The following EZH2 variants were observed in gnomAD, a reference collection of about 807,000 sequenced individuals.
EZH2 encodes histone-lysine N-methyltransferase EZH2.
A neutral mutation model predicts 98.4 loss-of-function variants in EZH2; 18 were observed. That is an observed-to-expected ratio of 0.18 (90% CI 0.13 to 0.27). The LOEUF (loss-of-function observed/expected upper bound fraction) is 0.27, where lower values mean the gene tolerates loss of function less well. Ranked by LOEUF, EZH2 falls within the 10% of genes least tolerant of loss-of-function variation. The pLI is 1.00. For missense variants in EZH2, 470 were observed against 935.1 expected (o/e 0.50, Z 6.49); for synonymous variants, 338 against 312.3 (o/e 1.08, Z -0.87).
rs539341336 is a variant in EZH2, at chr7:148,831,100, A to G, written c.364-1252T>C. ...GCCCACAGGTAAGAACACGCTGGGA[A>G]AGGCCACACACAGGACTAGTAGCAG... is the stretch of plus-strand genomic sequence containing the variant. On this transcript the variant is annotated intron_variant, in intron 4 of 19. Transcript: ENST00000320356. Among the ~76,000 whole-genome samples the G allele has an allele frequency of 3.3e-5, 5 of 152,342 alleles. No individual in the cohort carries two copies. In the South Asian group the frequency reaches 1.0e-3, roughly 32 times the overall value.
At chr7:148,832,372 C>T (rs1809625922) in intron 4 of EZH2, among the ~76,000 whole-genome samples, 1 of 152,198 alleles carries the variant, frequency 6.6e-6, no homozygotes, top group Non-Finnish European at 1.5e-5. Flanking sequence ...AGCCACAATG[C>T]CCAGCCCATC....
At chr7:148,828,620 A>T in intron 6 of EZH2, 120 bp downstream of exon 6, 3 of 1,261,142 alleles carry the variant, frequency 2.4e-6, no homozygotes, top group South Asian at 1.5e-5. Flanking sequence ...ACTGCTATCA[A>T]TGTGATATTT....
At chr7:148,871,881 A>G (rs755995271) in intron 1 of EZH2, among the ~76,000 whole-genome samples, 9 of 152,128 alleles carry the variant, frequency 5.9e-5, no homozygotes, top group African/African-American at 1.2e-4. Flanking sequence ...GCCGAATAGT[A>G]TATTTTCTAT....
In EZH2 at chr7:148,868,704, C is replaced by CA. The variant is rs1554424627; in HGVS notation, c.-8+15459_-8+15460insT. Among the ~76,000 whole-genome samples the CA allele has an allele frequency of 2.0e-5, 3 of 151,482 alleles. No individual in the cohort carries two copies. In the South Asian group the frequency reaches 6.3e-4, roughly 32 times the overall value. On this transcript the variant is annotated intron_variant, in intron 1 of 19. Coordinates refer to ENST00000320356, the MANE Select transcript of EZH2 (RefSeq NM_004456.5). ...TAGCCTCTAGGGTAGAAAAACATGACTTTTTTTTTGGTAGTCTAGATTTAA... is the reference window on the plus strand; with the variant it reads ...TAGCCTCTAGGGTAGAAAAACATGACATTTTTTTTTGGTAGTCTAGATTTAA...
At chr7:148,815,150 G>A (rs1804210224) in intron 13 of EZH2, 111 bp from the exon 14 acceptor site, 1 of 1,337,402 alleles carries the variant, frequency 7.5e-7, no homozygotes, top group African/African-American at 1.5e-5. Flanking sequence ...TAGCTGGCCT[G>A]CCTTTACTGA....
At position 148,818,090 on chromosome 7, in the gene EZH2, G is replaced by A; in HGVS notation, c.1027C>T (p.Leu343Phe). ...GGGGTCTTTATCCGCTCAGCGGTGA[G>A]AGCAGCAGCAAACTCCTTTGCTCCC... is the stretch of plus-strand genomic sequence containing the variant. Reference protein sequence around the residue: ...LEGAKEFAAALTAERIKTPPK... With the variant: ...LEGAKEFAAAFTAERIKTPPK... The change falls in exon 10 of 20, where the codon CTC becomes TTC. Residue 343 changes from leucine to phenylalanine, a missense_variant. Around this residue, in one of 6 missense-constraint regions of EZH2, gnomAD observed 192 missense variants for 306.8 expected, o/e 0.63. Transcript: ENST00000320356. The A allele has an allele frequency of 6.2e-7, 1 of 1,600,284 alleles. No homozygotes were observed. Among genetic ancestry groups the A allele is most frequent in the Non-Finnish European group, 8.5e-7 (1 of 1,173,738 alleles).
At chr7:148,831,582 A>G (rs1262111801) in intron 4 of EZH2, among the ~76,000 whole-genome samples, 2 of 152,228 alleles carry the variant, frequency 1.3e-5, no homozygotes, top group African/African-American at 2.4e-5. Context: ...ACAAATTTAA[A>G]TAATATATTC....
chr7:148,815,217 A>T (rs111608736), intron 13 of EZH2, among the ~76,000 whole-genome samples, 178 bp from the exon 14 acceptor site: 1 of 151,774 alleles, frequency 6.6e-6, no homozygotes, highest in Admixed American at 6.6e-5. Context: ...ATACTCTCCC[A>T]CCCCCAAGTG....
chr7:148,878,451 C>T (rs1315761984), intron 1 of EZH2, among the ~76,000 whole-genome samples: 3 of 152,296 alleles, frequency 2.0e-5, no homozygotes, highest in East Asian at 3.9e-4. Context: ...AATTTCACTC[C>T]TTTTATGTCT....
intron 7 of EZH2, 107 bp downstream of exon 7, chr7:148,827,057 A>T (rs1585007254): frequency 1.3e-6 from 1 of 790,938 alleles, no homozygotes; most frequent in East Asian, 2.5e-5. Context: ...AACACTGTAA[A>T]CAAAGTGTAG....
chr7:148,857,496 A>G (rs1320856600), intron 1 of EZH2, among the ~76,000 whole-genome samples: 1 of 152,252 alleles, frequency 6.6e-6, no homozygotes, highest in Non-Finnish European at 1.5e-5. Flanking sequence ...CATGCTTGTT[A>G]ATCCCAGCAC....
chr7:148,871,399 T>TA (rs1819361620), intron 1 of EZH2, among the ~76,000 whole-genome samples: 1 of 36,676 alleles, frequency 2.7e-5, no homozygotes, highest in African/African-American at 1.2e-4. Flanking sequence ...AAAAGACGAA[T>TA]AATTAAAAAA....
chr7:148,872,791 A>T (rs536077247), intron 1 of EZH2, among the ~76,000 whole-genome samples: 5 of 152,316 alleles, frequency 3.3e-5, no homozygotes, highest in African/African-American at 9.6e-5. Flanking sequence ...TCAAAAACTA[A>T]GAGACTAAAA....
intron 14 of EZH2, 125 bp downstream of exon 14, chr7:148,814,789 C>T (rs868309902): frequency 2.5e-6 from 3 of 1,205,158 alleles, no homozygotes; most frequent in East Asian, 5.2e-5. Context: ...AAATACTTGT[C>T]AAATTGATGA....
chr7:148,825,810 A>AT (rs1194936153), intron 8 of EZH2, among the ~76,000 whole-genome samples: 1 of 152,242 alleles, frequency 6.6e-6, no homozygotes, highest in Non-Finnish European at 1.5e-5. Context: ...TATTAAATAC[A>AT]TTTTCAAAAT....
At chr7:148,820,577 T>C (rs1054888450) in intron 8 of EZH2, among the ~76,000 whole-genome samples, 13 of 149,478 alleles carry the variant, frequency 8.7e-5, no homozygotes, top group African/African-American at 2.9e-4. Flanking sequence ...GACAAAGTTG[T>C]GTTTTTAAAG....
At chr7:148,866,090 G>A (rs1032540541) in intron 1 of EZH2, among the ~76,000 whole-genome samples, 6 of 152,162 alleles carry the variant, frequency 3.9e-5, no homozygotes, top group African/African-American at 1.2e-4. Context: ...AGAGGTAAAC[G>A]AGGTACGGCA....
intron 3 of EZH2, among the ~76,000 whole-genome samples, chr7:148,839,008 C>T (rs1007358303): frequency 2.7e-5 from 4 of 148,426 alleles, no homozygotes; most frequent in Non-Finnish European, 4.4e-5. Context: ...GACAAGATGA[C>T]GCCACTGCAC....
chr7:148,861,740 G>A (rs1391328721), intron 1 of EZH2, among the ~76,000 whole-genome samples: 1 of 150,942 alleles, frequency 6.6e-6, no homozygotes, highest in Admixed American at 6.6e-5. Flanking sequence ...CGGGGCTGAG[G>A]CAGGAGGACC....
Sources: allele counts gnomAD v4.1 joint callset (sites outside exome capture counted in the v4.1 genomes callset), GRCh38; gene constraint gnomAD v4.1.1; regional missense constraint gnomAD v4.1.1; transcripts MANE v1.5; gene names NCBI Gene and HGNC (gene_info 2026-07-23, HGNC 2026-07-21).